KCNIP1: variants seen among roughly 807,000 people sequenced by gnomAD.
KCNIP1 encodes the protein A-type potassium channel modulatory protein KCNIP1.
KCNIP1 carries 18 observed loss-of-function variants against 33.0 expected under a neutral mutation model. That is an observed-to-expected ratio of 0.55 (90% CI 0.38 to 0.81). The LOEUF (loss-of-function observed/expected upper bound fraction) is 0.81, where lower values mean the gene tolerates loss of function less well. Among genes scored for constraint, KCNIP1 ranks in the 30% least tolerant of loss-of-function variants. The pLI is 0.00. For missense variants in KCNIP1, 238 were observed against 271.6 expected, an observed-to-expected ratio of 0.88 and a Z score of 0.87; for synonymous variants, 93 against 98.3, an observed-to-expected ratio of 0.95 and a Z score of 0.32.
In KCNIP1 at chr5:170,534,025, A is replaced by C. The variant is rs528812259; in HGVS notation, c.61+29392A>C. On this transcript the variant is annotated intron_variant, in intron 1 of 7. Transcript: ENST00000328939. ...CTCACTTTGCAGCCAGTCTGTCCCC[A>C]TAGAGGTGATAAAGGAAAAACATAT... 8.5e-5 allele frequency among the ~76,000 whole-genome samples: 13 copies of C among 152,344 alleles called. No homozygotes were observed. In the South Asian group the frequency reaches 1.4e-3, roughly 17 times the overall value.
chr5:170,636,415 G>C (rs1319497872), intron 1 of KCNIP1, among the ~76,000 whole-genome samples: 1 of 152,120 alleles, frequency 6.6e-6, no homozygotes, highest in African/African-American at 2.4e-5. Flanking sequence ...TCTATCACAG[G>C]GGGGTGGCCG....
chr5:170,435,270 T>C (rs905783), intron 1 of KCNIP1, among the ~76,000 whole-genome samples: 113,969 of 152,188 alleles, frequency 0.75, 43,150 homozygotes, highest in African/African-American at 0.86. Context: ...CTGTACTTCT[T>C]TGCAGGCCGG....
intron 1 of KCNIP1, among the ~76,000 whole-genome samples, chr5:170,449,339 C>T (rs1756191420): frequency 6.6e-6 from 1 of 152,234 alleles, no homozygotes; most frequent in Non-Finnish European, 1.5e-5. Flanking sequence ...AAGTAGCCCT[C>T]AACTTCCAAA....
chr5:170,661,061 G>T (rs1761465589), intron 1 of KCNIP1, among the ~76,000 whole-genome samples: 5 of 152,232 alleles, frequency 3.3e-5, no homozygotes, highest in Admixed American at 3.3e-4. Flanking sequence ...TCTGTTCAGG[G>T]GCATTTGGTG....
chr5:170,544,551 A>C (rs1485130052), intron 1 of KCNIP1, among the ~76,000 whole-genome samples: 1 of 151,946 alleles, frequency 6.6e-6, no homozygotes, highest in Non-Finnish European at 1.5e-5. Context: ...ACTTACAGAC[A>C]CTGTTGGGTT....
chr5:170,583,823 G>A (rs1277468493), intron 1 of KCNIP1, among the ~76,000 whole-genome samples: 1 of 152,198 alleles, frequency 6.6e-6, no homozygotes, highest in Non-Finnish European at 1.5e-5. Context: ...GTGAGGTAAA[G>A]ATAATCATCA....
intron 1 of KCNIP1, among the ~76,000 whole-genome samples, chr5:170,505,636 G>C (rs1282515475): frequency 6.6e-6 from 1 of 152,172 alleles, no homozygotes; most frequent in Non-Finnish European, 1.5e-5. Flanking sequence ...AATGGGGTAA[G>C]GGACCCCAAG....
intron 5 of KCNIP1, among the ~76,000 whole-genome samples, chr5:170,730,174 AT>A (rs1329819314): frequency 1.3e-5 from 2 of 152,162 alleles, no homozygotes; most frequent in African/African-American, 4.8e-5. Flanking sequence ...ATGCAAATAT[AT>A]GATACTCTAA....
chr5:170,708,271 TGTTTAAGGGGAA>T (rs1192547635), intron 1 of KCNIP1, among the ~76,000 whole-genome samples: 8 of 152,098 alleles, frequency 5.3e-5, no homozygotes, highest in African/African-American at 1.4e-4. Context: ...AACCAAACCA[TGTTTAAGGGGAA>T]GAAAAGATTA....
rs538402361 is a variant in KCNIP1, at chr5:170,422,295, G to A, written c.88+68331G>A. On this transcript the variant is annotated intron_variant, in intron 1 of 7. Coordinates refer to the KCNIP1 transcript ENST00000377360. Reference sequence around the variant, plus strand: ...TCTCAACTCTGCCACCCACAGCTGCGTGACTATGTCTCTGTCACACTGCTT... The same window carrying A: ...TCTCAACTCTGCCACCCACAGCTGCATGACTATGTCTCTGTCACACTGCTT... The A allele has an allele frequency of 5.9e-5, 9 of 152,350 alleles. No individual in the cohort carries two copies. The East Asian group carries it at 9.6e-4, about 16-fold the overall frequency. The allele number at this position is 152,350 out of a possible 1,614,324, so 9.4% of individuals were successfully genotyped here.
At chr5:170,559,551 T>C (rs545691112) in intron 1 of KCNIP1, among the ~76,000 whole-genome samples, 7 of 152,328 alleles carry the variant, frequency 4.6e-5, no homozygotes, top group African/African-American at 1.7e-4. Flanking sequence ...AAACTTCAAC[T>C]GCTCCAGGCT....
At chr5:170,498,069 G>A (rs1487607475) in intron 1 of KCNIP1, among the ~76,000 whole-genome samples, 1 of 152,232 alleles carries the variant, frequency 6.6e-6, no homozygotes, top group South Asian at 2.1e-4. Flanking sequence ...GATGCAGCCA[G>A]GGAGAGCTGC....
chr5:170,633,072 T>G (rs2113675975), intron 1 of KCNIP1, among the ~76,000 whole-genome samples: 1 of 152,138 alleles, frequency 6.6e-6, no homozygotes, highest in African/African-American at 2.4e-5. Context: ...ACATCCTCCT[T>G]TGAGCAGGGG....
upstream of KCNIP1, among the ~76,000 whole-genome samples, chr5:170,499,454 AG>A (rs1757370512): frequency 6.6e-6 from 1 of 152,230 alleles, no homozygotes; most frequent in Non-Finnish European, 1.5e-5. Context: ...CACTTACTAA[AG>A]GAATTATGAA....
chr5:170,505,960 T>A (rs1458515122), intron 1 of KCNIP1, among the ~76,000 whole-genome samples: 1 of 152,130 alleles, frequency 6.6e-6, no homozygotes, highest in Non-Finnish European at 1.5e-5. Context: ...CCAGAACAGG[T>A]CTGCAAAGCT....
In KCNIP1 at chr5:170,607,689, G is replaced by C. The variant is rs529033274; in HGVS notation, c.61+103056G>C. Among the ~76,000 whole-genome samples, 45 of 152,330 alleles carry C rather than the reference G, an allele frequency of 3.0e-4. No individual in the cohort carries two copies. The South Asian group carries it at 9.3e-3, about 32-fold the overall frequency. ...TGGCTGTTTCAAGGAGGGCCCTTTG[G>C]TTTGCCCAGATAGACTATTCACACT... On this transcript the variant is annotated intron_variant, in intron 1 of 7. Coordinates refer to ENST00000328939, the MANE Select transcript of KCNIP1 (RefSeq NM_014592.4).
At chr5:170,688,699 G>A (rs1762622963) in intron 1 of KCNIP1, among the ~76,000 whole-genome samples, 1 of 152,150 alleles carries the variant, frequency 6.6e-6, no homozygotes, top group Admixed American at 6.5e-5. Context: ...CTAAACAGCA[G>A]GTGAAGTCCC....
chr5:170,524,514 T>C (rs894612295), intron 1 of KCNIP1, among the ~76,000 whole-genome samples: 1 of 152,128 alleles, frequency 6.6e-6, no homozygotes, highest in African/African-American at 2.4e-5. Flanking sequence ...GTAGAAATAA[T>C]AGTAATAACA....
At chr5:170,731,901 A>AAAAAAAG (rs1581558255) in intron 5 of KCNIP1, among the ~76,000 whole-genome samples, 1 of 19,550 alleles carries the variant, frequency 5.1e-5, no homozygotes. Context: ...AAAAAAAAAA[A>AAAAAAAG]AGAAAAGCTG....
Sources: allele counts gnomAD v4.1 joint callset (sites outside exome capture counted in the v4.1 genomes callset), GRCh38; gene constraint gnomAD v4.1.1; transcripts MANE v1.5; gene names NCBI Gene and HGNC (gene_info 2026-07-23, HGNC 2026-07-21).